The following ITPR1 variants were observed in gnomAD, a reference collection of about 807,000 sequenced individuals.
ITPR1 encodes the protein inositol 1,4,5-trisphosphate receptor type 1.
ITPR1 carries 96 observed loss-of-function variants against 318.4 expected under a neutral mutation model. The observed-to-expected ratio is 0.30, with a 90% CI of 0.26 to 0.36. ITPR1 has a LOEUF of 0.36. Ranked by LOEUF, ITPR1 falls within the 10% of genes least tolerant of loss-of-function variation. The probability of loss-of-function intolerance (pLI) is 1.00; values close to 1 mark genes in which losing one functional copy is unlikely to be tolerated. For synonymous variants in ITPR1, 1,312 were observed against 1,289.9 expected, an observed-to-expected ratio of 1.02 and a Z score of -0.37; for missense variants, 2,440 against 3,460.2, an observed-to-expected ratio of 0.71 and a Z score of 7.40.
At chr3:4,604,776 G>A (rs370394505) in intron 4 of ITPR1, among the ~76,000 whole-genome samples, 1 of 151,990 alleles carries the variant, frequency 6.6e-6, no homozygotes, top group South Asian at 2.1e-4. Flanking sequence ...CCCTGAAGAG[G>A]GAATGCAGAG....
chr3:4,667,848 G>T (rs2125202707), intron 18 of ITPR1, among the ~76,000 whole-genome samples: 1 of 152,286 alleles, frequency 6.6e-6, no homozygotes, highest in African/African-American at 2.4e-5. Context: ...CAGGTGACGT[G>T]CAGGCACTTA....
intron 34 of ITPR1, among the ~76,000 whole-genome samples, chr3:4,698,534 G>A (rs1325711582): frequency 6.6e-6 from 1 of 152,104 alleles, no homozygotes; most frequent in Non-Finnish European, 1.5e-5. Flanking sequence ...TTTGTGGGCT[G>A]TTCATCTCTT....
At chr3:4,608,223 C>T (rs1436022697) in intron 4 of ITPR1, among the ~76,000 whole-genome samples, 1 of 152,148 alleles carries the variant, frequency 6.6e-6, no homozygotes, top group East Asian at 1.9e-4. Flanking sequence ...GTTTGATTTA[C>T]TCCAGAATCC....
At chr3:4,838,433 C>G (rs1419804726) in intron 61 of ITPR1, among the ~76,000 whole-genome samples, 1 of 152,014 alleles carries the variant, frequency 6.6e-6, no homozygotes, top group African/African-American at 2.4e-5. Flanking sequence ...CCCCAACCCC[C>G]CAGTGAGGTG....
intron 31 of ITPR1, 151 bp from the exon 32 acceptor site, chr3:4,690,993 G>C: frequency 2.0e-6 from 1 of 500,412 alleles, no homozygotes; most frequent in South Asian, 5.0e-5. Context: ...AAAGAAGGTA[G>C]TACAGAAGCA....
rs565382059 is a variant in ITPR1, at chr3:4,787,903, G to A, written c.6616-44G>A. ...CAGTAGCAAATAGTCTTAGTAAAAG[G>A]TTTCAAAGATGAATATTTAATCTCA... is the stretch of plus-strand genomic sequence containing the variant. On this transcript the variant is annotated intron_variant, in intron 51 of 61. Transcript: ENST00000649015. 10 of 1,399,816 alleles carry A rather than the reference G, an allele frequency of 7.1e-6. No individual in the cohort carries two copies. In the East Asian group the frequency reaches 9.4e-5, roughly 13 times the overall value. The allele number at this position is 1,399,816 out of a possible 1,614,324, so 86.7% of individuals were successfully genotyped here. A position where few individuals can be genotyped will look rare whatever the true frequency, so the allele number is the denominator to read the frequency against.
chr3:4,501,896 C>G (rs191393886), intron 2 of ITPR1, among the ~76,000 whole-genome samples: 35 of 152,304 alleles, frequency 2.3e-4, no homozygotes, highest in African/African-American at 7.5e-4. Context: ...ACTTTCTGAC[C>G]TGTCCCATCA....
rs980450440 is a variant in ITPR1 at position 4,683,855 on chromosome 3, G to A, written c.3498+57G>A. The A allele has an allele frequency of 1.4e-5, 20 of 1,475,452 alleles. No individual in the cohort carries two copies. In the East Asian group the frequency reaches 4.4e-4, roughly 33 times the overall value. 91.4% of individuals were successfully genotyped at this position (1,475,452 alleles called of 1,614,324 possible). A position where few individuals can be genotyped will look rare whatever the true frequency, so the allele number is the denominator to read the frequency against. On this transcript the variant is annotated intron_variant, in intron 28 of 61. Coordinates refer to ENST00000649015, the MANE Select transcript of ITPR1 (RefSeq NM_001378452.1). The stretch of plus-strand genomic sequence containing the variant: ...GGATGGATGGGCTTCTCGAAACTAG[G>A]GAGCATCCTCTTCTGGTTTTAGGTA...
At chr3:4,609,027 A>T (rs1188853837) in intron 4 of ITPR1, among the ~76,000 whole-genome samples, 1 of 123,832 alleles carries the variant, frequency 8.1e-6, no homozygotes, top group African/African-American at 3.0e-5. Flanking sequence ...AAAAAAAAAC[A>T]AAAGAAAACA....
rs540201437 is a variant in ITPR1 at position 4,668,839 on chromosome 3, C to T, written c.1887-815C>T. Among the ~76,000 whole-genome samples the T allele has an allele frequency of 2.6e-5, 4 of 152,308 alleles. No individual in the cohort carries two copies. In the South Asian group the frequency reaches 8.3e-4, roughly 32 times the overall value. On this transcript the variant is annotated intron_variant, in intron 18 of 61. Coordinates refer to ENST00000649015, the MANE Select transcript of ITPR1 (RefSeq NM_001378452.1). ...CTCAGTATAATCAGTAAGAGTCTTG[C>T]AAGTTCAGTTGTTGGTTGAGCGTTT...
In ITPR1 at chr3:4,691,204, A is replaced by G. The variant is rs61757107; in HGVS notation, c.3889A>G (p.Ile1297Val). The G allele has an allele frequency of 4.2e-5, 68 of 1,613,270 alleles. No individual in the cohort carries two copies. The highest frequency in any genetic ancestry group is 5.7e-5 in the Non-Finnish European group (67 of 1,179,520). ...GAACAATTTCCAGCTTTGCAGTGAG[A>G]TCAACGAGAGAGTTGTTCAGCACTT... ...FMNNFQLCSEINERVVQHFVH... is the reference protein window; with the variant it reads ...FMNNFQLCSEVNERVVQHFVH... The change falls in exon 32 of 62, where the codon ATC (isoleucine) becomes GTC (valine). Residue 1297 changes from isoleucine (I) to valine (V), a missense_variant. Coordinates refer to ENST00000649015, the MANE Select transcript of ITPR1 (RefSeq NM_001378452.1).
chr3:4,601,638 TG>T (rs2091293217), intron 4 of ITPR1, among the ~76,000 whole-genome samples: 2 of 152,206 alleles, frequency 1.3e-5, no homozygotes, highest in African/African-American at 4.8e-5. Context: ...TTCATGGTCC[TG>T]AATTGGGTGA....
At position 4,739,435 on chromosome 3, in the gene ITPR1, C is replaced by T. The variant is rs1372327497; in HGVS notation, c.5544+4081C>T. On this transcript the variant is annotated intron_variant, in intron 44 of 61. Transcript: ENST00000649015. ...GAAAGGGGAGTTGCAGGGAAGCAGG[C>T]AGGCCTACACAGTTCCAGAAATGTA... 3.3e-5 allele frequency among the ~76,000 whole-genome samples: 5 copies of T among 152,104 alleles called. No individual in the cohort carries two copies. The East Asian group carries it at 9.6e-4, about 29-fold the overall frequency.
intron 40 of ITPR1, among the ~76,000 whole-genome samples, chr3:4,720,255 C>T (rs1387691795): frequency 2.0e-5 from 3 of 152,138 alleles, no homozygotes; most frequent in African/African-American, 7.2e-5. Context: ...CAGATTCATG[C>T]AAGATGACAG....
In ITPR1 at chr3:4,683,368, C is replaced by G. The variant is rs754969211; in HGVS notation, c.3162-18C>G. On this transcript the variant is annotated intron_variant, in intron 26 of 61. Coordinates refer to ENST00000649015, the MANE Select transcript of ITPR1 (RefSeq NM_001378452.1). ...ATTTGTCATTCATTTGGCCTTTCCC[C>G]ACCTTGTGCTCCTTTAGTGAGGAGA... 6.2e-7 allele frequency: 1 copy of G among 1,613,926 alleles called. No individual in the cohort carries two copies. The highest frequency in any genetic ancestry group is 8.5e-7 in the Non-Finnish European group (1 of 1,179,830).
intron 44 of ITPR1, among the ~76,000 whole-genome samples, chr3:4,763,825 G>A (rs1039315456): frequency 2.0e-5 from 3 of 152,244 alleles, no homozygotes; most frequent in African/African-American, 4.8e-5. Context: ...CCGATTGGCC[G>A]TCAGACAGCG....
chr3:4,829,205 T>C (rs1470211), intron 60 of ITPR1, among the ~76,000 whole-genome samples: 55,476 of 152,094 alleles, frequency 0.36, 10,263 homozygotes, highest in South Asian at 0.39. Context: ...CTAGCTGACT[T>C]ATACACTCAT....
intron 4 of ITPR1, among the ~76,000 whole-genome samples, chr3:4,579,578 A>G (rs1008429446): frequency 6.6e-6 from 1 of 152,228 alleles, no homozygotes; most frequent in Non-Finnish European, 1.5e-5. Flanking sequence ...TGGTTAATCA[A>G]TCACAAGTTG....
At chr3:4,657,154 C>T (rs1185612501) in intron 12 of ITPR1, among the ~76,000 whole-genome samples, 2 of 152,222 alleles carry the variant, frequency 1.3e-5, no homozygotes, top group Non-Finnish European at 2.9e-5. Context: ...ACATCTTTTT[C>T]AGGGCTACGC....
Sources: gnomAD v4.1 joint callset for allele counts (sites outside exome capture counted in the v4.1 genomes callset) on GRCh38, gnomAD v4.1.1 for gene constraint, MANE v1.5 for transcripts, NCBI Gene and HGNC (gene_info 2026-07-23, HGNC 2026-07-21) for gene names.